The following ARHGEF18 variants were observed in gnomAD, a reference collection of about 807,000 sequenced individuals.
ARHGEF18 encodes rho guanine nucleotide exchange factor 18.
A neutral mutation model predicts 155.7 loss-of-function variants in ARHGEF18; 93 were observed. That is an observed-to-expected ratio of 0.60 (90% CI 0.50 to 0.71). The LOEUF is 0.71. ARHGEF18 is among the 30% of genes least tolerant of loss of function. ARHGEF18 has a pLI of 0.00. For missense variants in ARHGEF18, 1,593 were observed against 1,816.1 expected, an observed-to-expected ratio of 0.88 and a Z score of 2.23; for synonymous variants, 742 against 753.1, an observed-to-expected ratio of 0.99 and a Z score of 0.24.
At chr19:7,435,806 A>G (rs1377458256) in intron 10 of ARHGEF18, among the ~76,000 whole-genome samples, 7 of 152,096 alleles carry the variant, frequency 4.6e-5, no homozygotes, top group Non-Finnish European at 1.0e-4. Context: ...TTCCAGGAAG[A>G]CTCAATTTAT....
At chr19:7,378,719 GTC>G (rs1268895858) in intron 6 of ARHGEF18, among the ~76,000 whole-genome samples, 1 of 132,874 alleles carries the variant, frequency 7.5e-6, no homozygotes, top group East Asian at 2.3e-4. Context: ...TTGAGATAGG[GTC>G]TCACTCTGTC....
At position 7,471,537 on chromosome 19, in the gene ARHGEF18, C is replaced by G. The variant is rs1333737295; in HGVS notation, c.*1239C>G. The G allele has an allele frequency of 6.6e-6, 1 of 152,248 alleles. No individual in the cohort carries two copies. The highest frequency in any genetic ancestry group is 2.4e-5 in the African/African-American group (1 of 41,446). The allele number at this position is 152,248 out of a possible 1,614,324, so 9.4% of individuals were successfully genotyped here. A position where few individuals can be genotyped will look rare whatever the true frequency, so the allele number is the denominator to read the frequency against. ...GTTCCCAGTGGGGTACATGTGAGCC[C>G]CTGCCAGGGCCAAGTCCTTCTCCCG... On this transcript the variant is annotated 3_prime_UTR_variant, in exon 29 of 29. Transcript: ENST00000668164. The surrounding 1 kb of genome is among the most constrained non-coding windows in gnomAD (Gnocchi z 4.4).
chr19:7,441,472 A>G (rs1014204664), intron 11 of ARHGEF18, among the ~76,000 whole-genome samples, 181 bp from the exon 12 acceptor site: 1 of 152,054 alleles, frequency 6.6e-6, no homozygotes, highest in African/African-American at 2.4e-5. Flanking sequence ...GAGACACTGC[A>G]CCTGGCAAAT....
Position 7,462,540 on chromosome 19 carries a change from C to A in ARHGEF18, c.2635+206C>A, listed in dbSNP as rs1458975315. On this transcript the variant is annotated intron_variant, in intron 21 of 28. Coordinates refer to ENST00000668164, the MANE Select transcript of ARHGEF18 (RefSeq NM_001367823.1). This position sits in a 1 kb window ranked among gnomAD's most constrained non-coding sequence, Gnocchi z 4.4. ...GCCTTAGACATAATCTGGGCCAAGC[C>A]GCTCCTTGCAGACATAAAGCACTTT... Among the ~76,000 whole-genome samples the A allele has an allele frequency of 1.3e-5, 2 of 152,228 alleles. No individual in the cohort carries two copies. The highest frequency in any genetic ancestry group is 4.8e-5 in the African/African-American group (2 of 41,460).
At chr19:7,409,424 AAG>A (rs1600334674) in intron 10 of ARHGEF18, among the ~76,000 whole-genome samples, 2 of 119,684 alleles carry the variant, frequency 1.7e-5, no homozygotes, top group East Asian at 5.6e-4. Context: ...GAAACTAATG[AAG>A]AGTCTTTTTT....
At chr19:7,449,557 G>A (rs1975226127) in intron 15 of ARHGEF18, among the ~76,000 whole-genome samples, 1 of 152,122 alleles carries the variant, frequency 6.6e-6, no homozygotes. Flanking sequence ...AAAGGCACAG[G>A]CCCACTCTAG....
chr19:7,477,325 C>T (rs776299749), downstream of ARHGEF18: 4 of 1,559,922 alleles, frequency 2.6e-6, no homozygotes, highest in South Asian at 3.5e-5. Flanking sequence ...ACAGCACGCC[C>T]CGGGGCAGCC....
intron 10 of ARHGEF18, among the ~76,000 whole-genome samples, chr19:7,426,116 CTG>C (rs1411671698): frequency 6.6e-6 from 1 of 152,112 alleles, no homozygotes; most frequent in Non-Finnish European, 1.5e-5. Context: ...CAGTTGGAGA[CTG>C]TGGTGAGCCA....
At chr19:7,433,507 C>CAAAAA (rs35825715) in intron 10 of ARHGEF18, among the ~76,000 whole-genome samples, 8 of 58,294 alleles carry the variant, frequency 1.4e-4, no homozygotes, top group Admixed American at 2.7e-4. Flanking sequence ...ACTCCGTCTC[C>CAAAAA]AAAAAAAAAA....
intron 3 of ARHGEF18, among the ~76,000 whole-genome samples, chr19:7,375,366 GAAGGAAGGAAGAAAGAA>G (rs1184004103): frequency 1.4e-5 from 2 of 139,580 alleles, no homozygotes; most frequent in African/African-American, 2.6e-5. Flanking sequence ...AGGAAGGAAG[GAAGGAAGGAAGAAAGAA>G]AAGGAAGGAA....
intron 15 of ARHGEF18, among the ~76,000 whole-genome samples, chr19:7,448,782 T>TA (rs1239026087): frequency 1.3e-5 from 2 of 151,854 alleles, no homozygotes; most frequent in Admixed American, 6.6e-5. Context: ...CGTGGGTAGG[T>TA]GCTCGAAGCC....
intron 14 of ARHGEF18, 94 bp from the exon 15 acceptor site, chr19:7,446,949 T>A: frequency 7.3e-7 from 1 of 1,372,286 alleles, no homozygotes; most frequent in South Asian, 1.3e-5. Context: ...CAAATAAATC[T>A]AATATTTATT....
intron 2 of ARHGEF18, among the ~76,000 whole-genome samples, chr19:7,367,473 G>A (rs935051581): frequency 1.6e-4 from 24 of 152,018 alleles, no homozygotes; most frequent in African/African-American, 4.1e-4. Context: ...GGGGCCGGGC[G>A]TGGTGACTCA....
chr19:7,407,779 G>C (rs780470089), intron 10 of ARHGEF18, among the ~76,000 whole-genome samples: 61 of 151,742 alleles, frequency 4.0e-4, no homozygotes, highest in Non-Finnish European at 3.4e-4. Context: ...TGACTAAAAC[G>C]GTGAAACCCC....
chr19:7,456,412 C>T lies in ARHGEF18; in HGVS notation c.2181+9C>T. The stretch of plus-strand genomic sequence containing the variant: ...ACGTCTTTGCTTCTGTGGTATGTAT[C>T]CTGTCTCTTCAGACGAAGGGTCGGC... On this transcript the variant is annotated intron_variant, in intron 18 of 28. Coordinates refer to ENST00000668164, the MANE Select transcript of ARHGEF18 (RefSeq NM_001367823.1). The T allele has an allele frequency of 6.2e-7, 1 of 1,613,208 alleles. No individual in the cohort carries two copies. The highest frequency in any genetic ancestry group is 8.5e-7 in the Non-Finnish European group (1 of 1,179,248).
In ARHGEF18 at chr19:7,462,196, G is replaced by C; in HGVS notation, c.2497G>C (p.Glu833Gln). Reference sequence around the variant, plus strand: ...CCAGCTGATCGCACAGAGCCTCCTAGAGAAACAGCAGATCTACCTGGAGAT... The same window carrying C: ...CCAGCTGATCGCACAGAGCCTCCTACAGAAACAGCAGATCTACCTGGAGAT... ...KDQLIAQSLL[E>Q]KQQIYLEMAE... Residue 833 changes from glutamate (E) to glutamine (Q), a missense_variant, in exon 21 of 29, where the codon GAG becomes CAG. Coordinates refer to ENST00000668164, the MANE Select transcript of ARHGEF18 (RefSeq NM_001367823.1). The surrounding 1 kb of genome is among the most constrained non-coding windows in gnomAD (Gnocchi z 4.4). The C allele has an allele frequency of 6.2e-7, 1 of 1,614,022 alleles. No individual in the cohort carries two copies. Among genetic ancestry groups the C allele is most frequent in the Non-Finnish European group, 8.5e-7 (1 of 1,180,038 alleles).
rs1243105844 is a variant in ARHGEF18 at position 7,395,118 on chromosome 19, G to T, written c.967+11915G>T. The T allele has an allele frequency of 5.1e-6, 5 of 985,516 alleles. No homozygotes were observed. Among genetic ancestry groups the T allele is most frequent in the Non-Finnish European group, 6.0e-6 (5 of 829,990 alleles). The allele number at this position is 985,516 out of a possible 1,614,324, so 61.0% of individuals were successfully genotyped here. On this transcript the variant is annotated intron_variant, in intron 10 of 28. Transcript: ENST00000668164. The surrounding 1 kb of genome is among the most constrained non-coding windows in gnomAD (Gnocchi z 5.0). ...ATCGCGCATGCGCTGCTCTCCTCGC[G>T]CGGCTTCCCGCTTCCGGCTCCCAGC...
At chr19:7,394,728 C>T (rs1190567697) in intron 10 of ARHGEF18, among the ~76,000 whole-genome samples, 1 of 151,848 alleles carries the variant, frequency 6.6e-6, no homozygotes, top group African/African-American at 2.4e-5. Context: ...CTCAGGACTC[C>T]CTCCCCAGCC....
intron 10 of ARHGEF18, among the ~76,000 whole-genome samples, chr19:7,424,434 C>A (rs780422763): frequency 1.3e-5 from 2 of 152,152 alleles, no homozygotes; most frequent in South Asian, 2.1e-4. Context: ...GGATTTGTAA[C>A]CTTTGCGTCC....
Sources: gnomAD v4.1 joint callset for allele counts (sites outside exome capture counted in the v4.1 genomes callset) on GRCh38, gnomAD v4.1.1 for gene constraint, Gnocchi (gnomAD v3.1) non-coding constraint, MANE v1.5 for transcripts, NCBI Gene and HGNC (gene_info 2026-07-23, HGNC 2026-07-21) for gene names.